GALNT17: variants seen among roughly 807,000 people sequenced by gnomAD.
GALNT17 encodes the protein UDP-GalNAc:polypeptide N-acetylgalactosaminyltransferase-like 3.
Under a neutral mutation model 63.7 loss-of-function variants are expected in GALNT17, and 29 were observed. That is an observed-to-expected ratio of 0.46 (90% CI 0.34 to 0.62). The LOEUF (loss-of-function observed/expected upper bound fraction) is 0.62, where lower values mean the gene tolerates loss of function less well. Ranked by LOEUF, GALNT17 falls within the 20% of genes least tolerant of loss-of-function variation. The pLI is 0.01. For missense variants in GALNT17, 603 were observed against 799.6 expected, an observed-to-expected ratio of 0.75 and a Z score of 2.97; for synonymous variants, 305 against 318.3, an observed-to-expected ratio of 0.96 and a Z score of 0.45.
chr7:71,395,403 A>G (rs1583916413), intron 3 of GALNT17, among the ~76,000 whole-genome samples: 3 of 152,328 alleles, frequency 2.0e-5, no homozygotes, highest in Middle Eastern at 3.4e-3. Flanking sequence ...AAATTGTGGC[A>G]TATATAAGTA....
intron 5 of GALNT17, among the ~76,000 whole-genome samples, chr7:71,556,985 C>A (rs943674650): frequency 6.6e-6 from 1 of 152,064 alleles, no homozygotes; most frequent in South Asian, 2.1e-4. Flanking sequence ...CTCCTGGGCT[C>A]AAGCAATCCT....
chr7:71,356,610 A>G (rs1471245174), intron 2 of GALNT17, among the ~76,000 whole-genome samples: 1 of 152,068 alleles, frequency 6.6e-6, no homozygotes, highest in African/African-American at 2.4e-5. Context: ...TCTCTTGAGA[A>G]CTCACAGAGT....
At chr7:71,268,028 T>C (rs1356619873) in intron 1 of GALNT17, among the ~76,000 whole-genome samples, 1 of 152,074 alleles carries the variant, frequency 6.6e-6, no homozygotes, top group African/African-American at 2.4e-5. Context: ...AATAGGGGCG[T>C]GTTTGCCATT....
chr7:71,378,191 C>T lies in GALNT17; in HGVS notation c.423-10044C>T, dbSNP rs1792780670. Among the ~76,000 whole-genome samples the T allele has an allele frequency of 2.6e-5, 4 of 152,150 alleles. No homozygotes were observed. In the South Asian group the frequency reaches 8.3e-4, roughly 31 times the overall value. On this transcript the variant is annotated intron_variant, in intron 2 of 10. Coordinates refer to ENST00000333538, the MANE Select transcript of GALNT17 (RefSeq NM_022479.3). ...GAGACTGCTCTGTGAGGGAACTGAG[C>T]TAATGAGGTGTGTTGTTGCTTCCTG...
At chr7:71,595,997 C>T (rs982684108) in intron 6 of GALNT17, among the ~76,000 whole-genome samples, 2 of 152,000 alleles carry the variant, frequency 1.3e-5, no homozygotes, top group Non-Finnish European at 1.5e-5. Context: ...ATATTCTTTG[C>T]GGGTATTGAA....
intron 5 of GALNT17, among the ~76,000 whole-genome samples, chr7:71,436,033 A>AG (rs942370075): frequency 2.6e-5 from 4 of 151,142 alleles, no homozygotes; most frequent in Non-Finnish European, 5.9e-5. Flanking sequence ...AAAAAGAAAA[A>AG]AAAAAAAAAC....
intron 6 of GALNT17, among the ~76,000 whole-genome samples, chr7:71,649,321 C>T (rs1034361176): frequency 2.0e-5 from 3 of 152,158 alleles, no homozygotes; most frequent in African/African-American, 7.2e-5. Flanking sequence ...TGCCATAACA[C>T]ACCAATACAC....
At chr7:71,169,009 A>G (rs963689699) in intron 1 of GALNT17, among the ~76,000 whole-genome samples, 1 of 152,024 alleles carries the variant, frequency 6.6e-6, no homozygotes, top group Admixed American at 6.6e-5. Flanking sequence ...GAGTCCAGGC[A>G]CTGTCACCTC....
chr7:71,522,892 C>T (rs1174568884), intron 5 of GALNT17, among the ~76,000 whole-genome samples: 1 of 152,204 alleles, frequency 6.6e-6, no homozygotes, highest in East Asian at 1.9e-4. Flanking sequence ...GCAGAAGCAT[C>T]CCCTGGGAAC....
At chr7:71,159,205 C>A (rs1426797545) in intron 1 of GALNT17, among the ~76,000 whole-genome samples, 1 of 151,302 alleles carries the variant, frequency 6.6e-6, no homozygotes, top group African/African-American at 2.5e-5. Context: ...AAATTATTTC[C>A]ATCTCATCTC....
In GALNT17 at chr7:71,132,763, G is replaced by C. The variant is rs1403199410; in HGVS notation, c.-40G>C. Reference sequence around the variant, plus strand: ...TGCCCCGCGCCTCGCCGGAGCCCGAGGGGGCGCAGGTCCGGGGCGAGGGCC... The same window carrying C: ...TGCCCCGCGCCTCGCCGGAGCCCGACGGGGCGCAGGTCCGGGGCGAGGGCC... On this transcript the variant is annotated 5_prime_UTR_variant, in exon 1 of 11. Coordinates refer to ENST00000333538, the MANE Select transcript of GALNT17 (RefSeq NM_022479.3). The C allele has an allele frequency of 6.5e-7, 1 of 1,528,670 alleles. No homozygotes were observed. Among genetic ancestry groups the C allele is most frequent in the Non-Finnish European group, 8.9e-7 (1 of 1,129,884 alleles). The allele number at this position is 1,528,670 out of a possible 1,614,324, so 94.7% of individuals were successfully genotyped here.
At chr7:71,580,388 TGATA>T (rs66527989) in intron 6 of GALNT17, among the ~76,000 whole-genome samples, 43,380 of 146,848 alleles carry the variant, frequency 0.3, 7,730 homozygotes, top group East Asian at 0.48. Context: ...ATAGATAAAT[TGATA>T]GATGGATGAT....
At chr7:71,148,855 TA>T (rs1788075406) in intron 1 of GALNT17, among the ~76,000 whole-genome samples, 1 of 94,586 alleles carries the variant, frequency 1.1e-5, no homozygotes, top group African/African-American at 5.4e-5. Context: ...AGTATTATGG[TA>T]TTTTTATATA....
intron 2 of GALNT17, among the ~76,000 whole-genome samples, chr7:71,370,367 T>C (rs1258554483): frequency 1.3e-5 from 2 of 152,204 alleles, no homozygotes; most frequent in African/African-American, 4.8e-5. Context: ...GGCAGCATCA[T>C]GGCTCACTGC....
At chr7:71,138,568 A>G (rs1787829250) in intron 1 of GALNT17, among the ~76,000 whole-genome samples, 1 of 152,214 alleles carries the variant, frequency 6.6e-6, no homozygotes, top group South Asian at 2.1e-4. Context: ...TATAAAATTA[A>G]TTCATCTTTA....
chr7:71,221,533 A>C (rs1789584225), intron 1 of GALNT17, among the ~76,000 whole-genome samples: 1 of 151,592 alleles, frequency 6.6e-6, no homozygotes, highest in African/African-American at 2.4e-5. Context: ...TCTTCTTTCA[A>C]ACTTCTGTTC....
chr7:71,554,580 T>C (rs570680402), intron 5 of GALNT17, among the ~76,000 whole-genome samples: 2 of 152,302 alleles, frequency 1.3e-5, no homozygotes, highest in African/African-American at 4.8e-5. Flanking sequence ...TTTAGAGCAT[T>C]ATTTTAGGTC....
chr7:71,548,570 T>C (rs1789025047), intron 5 of GALNT17, among the ~76,000 whole-genome samples: 1 of 152,198 alleles, frequency 6.6e-6, no homozygotes, highest in African/African-American at 2.4e-5. Flanking sequence ...GATGGTCTTA[T>C]AAAGGGCAGT....
At chr7:71,362,388 A>G (rs1792419856) in intron 2 of GALNT17, among the ~76,000 whole-genome samples, 1 of 152,212 alleles carries the variant, frequency 6.6e-6, no homozygotes, top group Non-Finnish European at 1.5e-5. Context: ...CACCAAATGT[A>G]CTTAACAGCA....
Sources: gnomAD v4.1 joint callset for allele counts (sites outside exome capture counted in the v4.1 genomes callset) on GRCh38, gnomAD v4.1.1 for gene constraint, MANE v1.5 for transcripts, NCBI Gene and HGNC (gene_info 2026-07-23, HGNC 2026-07-21) for gene names.